Variants in SRSF6 observed in about 807,000 individuals in gnomAD.
SRSF6 encodes the protein serine and arginine rich splicing factor 6.
In SRSF6, 17 loss-of-function variants were observed where a neutral mutation model predicts 42.0. The observed-to-expected ratio is 0.40, with a 90% CI of 0.28 to 0.61. The LOEUF (loss-of-function observed/expected upper bound fraction) is 0.61, where lower values mean the gene tolerates loss of function less well. Ranked by LOEUF, SRSF6 falls within the 20% of genes least tolerant of loss-of-function variation. SRSF6 has a pLI of 0.37. For synonymous variants in SRSF6, 204 were observed against 166.7 expected, an observed-to-expected ratio of 1.22 and a Z score of -1.72; for missense variants, 379 against 471.4, an observed-to-expected ratio of 0.80 and a Z score of 1.81.
At chr20:43,460,478 G>T (rs771101233) in intron 4 of SRSF6, 37 bp from the exon 5 acceptor site, 3 of 1,602,534 alleles carry the variant, frequency 1.9e-6, no homozygotes, top group Non-Finnish European at 2.6e-6. Flanking sequence ...ATTTAAGTTG[G>T]ATTGGGATTA....
rs6103332 is a variant in SRSF6, at chr20:43,459,724, G to A, written c.257-47G>A. ...GTACTAACTTTCAAAGACATTATGC[G>A]TTTTTATCATTACAAGGCATCTAAT... is the stretch of plus-strand genomic sequence containing the variant. On this transcript the variant is annotated intron_variant, in intron 2 of 5. Transcript: ENST00000244020. The A allele has an allele frequency of 5.7e-3, 9,250 of 1,611,510 alleles. 439 individuals are homozygous for A. The African/African-American group carries it at 0.11, about 19-fold the overall frequency.
chr20:43,460,498 T>C lies in SRSF6; in HGVS notation c.591-17T>C. 2 of 1,611,772 alleles carry C rather than the reference T, an allele frequency of 1.2e-6. No individual in the cohort carries two copies. Among genetic ancestry groups the C allele is most frequent in the Non-Finnish European group, 1.7e-6 (2 of 1,178,460 alleles). On this transcript the variant is annotated splice_polypyrimidine_tract_variant and intron_variant, in intron 4 of 5. Transcript: ENST00000244020. ...AGTTGGATTGGGATTAAGACTTCATTGTTTTTCTCCTAATAGGTCTCGATC... is the reference window on the plus strand; with the variant it reads ...AGTTGGATTGGGATTAAGACTTCATCGTTTTTCTCCTAATAGGTCTCGATC...
At chr20:43,459,954 T>C in intron 3 of SRSF6, 59 bp downstream of exon 3, 1 of 1,603,398 alleles carries the variant, frequency 6.2e-7, no homozygotes, top group Non-Finnish European at 8.5e-7. Context: ...TAAACTCCTT[T>C]TATATTCTTA....
At chr20:43,458,594 C>G in intron 2 of SRSF6, 85 bp downstream of exon 2, 1 of 1,323,292 alleles carries the variant, frequency 7.6e-7, no homozygotes, top group Non-Finnish European at 9.8e-7. Flanking sequence ...CCCGGGCAGG[C>G]GCGAGGGCCG....
At position 43,461,126 on chromosome 20, in the gene SRSF6, A is replaced by G. The variant is rs111440404; in HGVS notation, c.*63A>G. 6.0e-6 allele frequency: 9 copies of G among 1,494,222 alleles called. No individual in the cohort carries two copies. The highest frequency in any genetic ancestry group is 2.5e-5 in the Admixed American group (1 of 40,492). The allele number at this position is 1,494,222 out of a possible 1,614,324, so 92.6% of individuals were successfully genotyped here. ...TTCCTACTTAGGCAGTTACTCTTCC[A>G]TGTTTATACTTGGCCTCTTCTGCAA... On this transcript the variant is annotated 3_prime_UTR_variant, in exon 6 of 6. Transcript: ENST00000244020.
chr20:43,462,156 T>C lies in SRSF6; in HGVS notation c.*1093T>C, dbSNP rs2017613156. The C allele has an allele frequency of 6.6e-6, 1 of 152,258 alleles. No individual in the cohort carries two copies. The highest frequency in any genetic ancestry group is 2.1e-4 in the South Asian group (1 of 4,836). The allele number at this position is 152,258 out of a possible 1,614,324, so 9.4% of individuals were successfully genotyped here. On this transcript the variant is annotated 3_prime_UTR_variant, in exon 6 of 6. Coordinates refer to ENST00000244020, the MANE Select transcript of SRSF6 (RefSeq NM_006275.6). Reference sequence around the variant, plus strand: ...GATTATTTGATAATTGGTTAGATCATACTTGTAAATTTTAATGCTTTGTGT... The same window carrying C: ...GATTATTTGATAATTGGTTAGATCACACTTGTAAATTTTAATGCTTTGTGT...
chr20:43,458,278 G>T, intron 1 of SRSF6, 83 bp from the exon 2 acceptor site: 1 of 1,400,508 alleles, frequency 7.1e-7, no homozygotes. Context: ...TCGCGGGGGC[G>T]CGCGGTGGGG....
At chr20:43,460,455 A>G (rs1244313431) in intron 4 of SRSF6, 60 bp from the exon 5 acceptor site, 3 of 1,538,910 alleles carry the variant, frequency 1.9e-6, no homozygotes, top group African/African-American at 2.7e-5. Context: ...TTTTTGCCAG[A>G]TGGCACGGAT....
At position 43,461,307 on chromosome 20, in the gene SRSF6, CTT is replaced by C. The variant is rs142409559; in HGVS notation, c.*247_*248del. 6.8e-4 allele frequency: 100 copies of C among 147,078 alleles called. No individual in the cohort carries two copies. In the East Asian group the frequency reaches 0.014, roughly 20 times the overall value. The allele number at this position is 147,078 out of a possible 1,614,324, so 9.1% of individuals were successfully genotyped here. A position where few individuals can be genotyped will look rare whatever the true frequency, so the allele number is the denominator to read the frequency against. On this transcript the variant is annotated 3_prime_UTR_variant, in exon 6 of 6. Coordinates refer to ENST00000244020, the MANE Select transcript of SRSF6 (RefSeq NM_006275.6). ...TTTTATAGCTTTTGAGCTAACGTAA[CTT>C]TTGTAAAGATTAAGCTCATTTAGTG... is the stretch of plus-strand genomic sequence containing the variant.
Position 43,459,851 on chromosome 20 carries a change from A to G in SRSF6, c.337A>G (p.Ile113Val). Residue 113 changes from isoleucine (I) to valine (V), a missense_variant, in exon 3 of 6, where the codon ATT (isoleucine) becomes GTT (valine). Around this residue, in one of 3 missense-constraint regions of SRSF6, gnomAD observed 43 missense variants for 108.5 expected, o/e 0.40. Coordinates refer to ENST00000244020, the MANE Select transcript of SRSF6 (RefSeq NM_006275.6). ...GPPVRTEYRL[I>V]VENLSSRCSW... ...ACCTGTTCGTACAGAATACAGGCTT[A>G]TTGTAGAAAATCTTTCTAGTCGGTG... 1 of 1,609,862 alleles carries G rather than the reference A, an allele frequency of 6.2e-7. No individual in the cohort carries two copies. The highest frequency in any genetic ancestry group is 8.5e-7 in the Non-Finnish European group (1 of 1,178,946).
Position 43,460,969 on chromosome 20 carries a change from C to A in SRSF6, c.941C>A (p.Ser314Tyr). Residue 314 changes from serine to tyrosine, a missense_variant, in exon 6 of 6, where the codon TCT (serine) becomes TAT (tyrosine). This residue lies in a region of SRSF6 where 219 missense variants were observed against 216.1 expected (regional missense o/e 1.01). Coordinates refer to ENST00000244020, the MANE Select transcript of SRSF6 (RefSeq NM_006275.6). ...CCTGTTCCACCCTCAAAGGCCCGTT[C>A]TGTGTCCCCTCCACCAAAAAGAGCT... Reference protein sequence around the residue: ...PLPVPPSKARSVSPPPKRATS... With the variant: ...PLPVPPSKARYVSPPPKRATS... 6.2e-7 allele frequency: 1 copy of A among 1,614,142 alleles called. No homozygotes were observed. The highest frequency in any genetic ancestry group is 8.5e-7 in the Non-Finnish European group (1 of 1,180,010).
rs985953888 is a variant in SRSF6, at chr20:43,458,244, C to T, written c.107+104C>T. 1.4e-5 allele frequency: 20 copies of T among 1,427,942 alleles called. No homozygotes were observed. In the South Asian group the frequency reaches 1.7e-4, roughly 12 times the overall value. The allele number at this position is 1,427,942 out of a possible 1,614,324, so 88.5% of individuals were successfully genotyped here. The stretch of plus-strand genomic sequence containing the variant: ...AGGCCGCGGCGCCGCGTGGCAGGGC[C>T]TCAAAGATGGCGACGGCGCGGCGTC... On this transcript the variant is annotated intron_variant, in intron 1 of 5. Coordinates refer to ENST00000244020, the MANE Select transcript of SRSF6 (RefSeq NM_006275.6).
In SRSF6 at chr20:43,462,158, C is replaced by T. The variant is rs940675878; in HGVS notation, c.*1095C>T. 4 of 152,182 alleles carry T rather than the reference C, an allele frequency of 2.6e-5. No homozygotes were observed. In the South Asian group the frequency reaches 6.2e-4, roughly 24 times the overall value. The allele number at this position is 152,182 out of a possible 1,614,324, so 9.4% of individuals were successfully genotyped here. A position where few individuals can be genotyped will look rare whatever the true frequency, so the allele number is the denominator to read the frequency against. Reference sequence around the variant, plus strand: ...TTATTTGATAATTGGTTAGATCATACTTGTAAATTTTAATGCTTTGTGTAA... The same window carrying T: ...TTATTTGATAATTGGTTAGATCATATTTGTAAATTTTAATGCTTTGTGTAA... On this transcript the variant is annotated 3_prime_UTR_variant, in exon 6 of 6. Transcript: ENST00000244020.
At chr20:43,458,557 G>GGGGGT (rs2017537568) in intron 2 of SRSF6, 48 bp downstream of exon 2, 1 of 1,435,412 alleles carries the variant, frequency 7.0e-7, no homozygotes. Flanking sequence ...CCCTGGGGGC[G>GGGGGT]GGGGTGGGTG....
chr20:43,459,621 T>C (rs753063294), intron 2 of SRSF6, 150 bp from the exon 3 acceptor site: 6 of 1,365,052 alleles, frequency 4.4e-6, no homozygotes, highest in Admixed American at 4.7e-5. Context: ...TTTAATTTTA[T>C]GGCAAATCAC....
At position 43,461,708 on chromosome 20, in the gene SRSF6, A is replaced by G. The variant is rs932040481; in HGVS notation, c.*645A>G. ...TGGATAACATTATTTTGTGCAGTTA[A>G]TCAAATTTGCCAAAGTCTTTATCTG... On this transcript the variant is annotated 3_prime_UTR_variant, in exon 6 of 6. Transcript: ENST00000244020. 6.6e-5 allele frequency: 10 copies of G among 152,640 alleles called. No individual in the cohort carries two copies. Among genetic ancestry groups the G allele is most frequent in the African/African-American group, 2.4e-4 (10 of 41,448 alleles). The allele number at this position is 152,640 out of a possible 1,614,324, so 9.5% of individuals were successfully genotyped here. A position where few individuals can be genotyped will look rare whatever the true frequency, so the allele number is the denominator to read the frequency against.
rs2017589818 is a variant in SRSF6 at position 43,461,337 on chromosome 20, G to GTTTTTTTGTTTTTTTT, written c.*281_*282insGTTTTTTTTTTTTTTT. On this transcript the variant is annotated 3_prime_UTR_variant, in exon 6 of 6. Transcript: ENST00000244020. ...GTAAAGATTAAGCTCATTTAGTGTT[G>GTTTTTTTGTTTTTTTT]TTTTTTTTTTTTTTTTTTTTTTTTT... The GTTTTTTTGTTTTTTTT allele has an allele frequency of 4.6e-5, 2 of 43,828 alleles. No individual in the cohort carries two copies. Among genetic ancestry groups the GTTTTTTTGTTTTTTTT allele is most frequent in the African/African-American group, 1.6e-4 (2 of 12,240 alleles). 2.7% of individuals were successfully genotyped at this position (43,828 alleles called of 1,614,324 possible). A position where few individuals can be genotyped will look rare whatever the true frequency, so the allele number is the denominator to read the frequency against.
chr20:43,459,970 G>T, intron 3 of SRSF6, 63 bp from the exon 4 acceptor site: 1 of 1,604,436 alleles, frequency 6.2e-7, no homozygotes, highest in South Asian at 1.1e-5. Flanking sequence ...TCTTATTTCT[G>T]GGAATTTATT....
At chr20:43,458,571 T>TGGGGC in intron 2 of SRSF6, 62 bp downstream of exon 2, 1 of 1,398,346 alleles carries the variant, frequency 7.2e-7, no homozygotes, top group Non-Finnish European at 9.2e-7. Flanking sequence ...GTGGGTGGGG[T>TGGGGC]GGGGCCTCCC....
Sources: gnomAD v4.1 joint callset for allele counts on GRCh38, gnomAD v4.1.1 for gene constraint, gnomAD v4.1.1 regional missense constraint, MANE v1.5 for transcripts, NCBI Gene and HGNC (gene_info 2026-07-23, HGNC 2026-07-21) for gene names.